Variants in EMC10 observed in about 807,000 individuals in gnomAD.
The protein encoded by EMC10 is UPF0510 protein INM02.
Under a neutral mutation model 32.2 loss-of-function variants are expected in EMC10, and 40 were observed. The ratio of observed to expected loss-of-function variants is 1.24; its 90% CI spans 0.96 to 1.61. The LOEUF (loss-of-function observed/expected upper bound fraction) is 1.61. Ranked by LOEUF, EMC10 falls within the 40% of genes most tolerant of loss-of-function variation. The pLI, the probability that EMC10 is intolerant of heterozygous loss-of-function variation, is 0.00. For missense variants in EMC10, 402 were observed against 357.7 expected, an observed-to-expected ratio of 1.12 and a Z score of -1.00; for synonymous variants, 178 against 158.4, an observed-to-expected ratio of 1.12 and a Z score of -0.93.
rs1433270165 is a variant in EMC10 at position 50,484,581 on chromosome 19, T to C, written c.*2322T>C. ...CCTAGCGTTCTGTTCTTATTAAACT[T>C]TTCTTCCCCGTCTGGCCGGTCCTTG... On this transcript the variant is annotated 3_prime_UTR_variant, in exon 7 of 7. Coordinates refer to ENST00000334976, the MANE Select transcript of EMC10 (RefSeq NM_206538.4). 6.6e-6 allele frequency: 1 copy of C among 152,160 alleles called. No homozygotes were observed. Among genetic ancestry groups the C allele is most frequent in the Non-Finnish European group, 1.5e-5 (1 of 68,042 alleles). The allele number at this position is 152,160 out of a possible 1,614,324, so 9.4% of individuals were successfully genotyped here. A position where few individuals can be genotyped will look rare whatever the true frequency, so the allele number is the denominator to read the frequency against.
rs567884235 is a variant in EMC10 at position 50,484,059 on chromosome 19, G to A, written c.*1800G>A. 6 of 100,316 alleles carry A rather than the reference G, an allele frequency of 6.0e-5. No individual in the cohort carries two copies. The highest frequency in any genetic ancestry group is 1.7e-4 in the African/African-American group (4 of 23,370). The allele number at this position is 100,316 out of a possible 1,614,324, so 6.2% of individuals were successfully genotyped here. A position where few individuals can be genotyped will look rare whatever the true frequency, so the allele number is the denominator to read the frequency against. On this transcript the variant is annotated 3_prime_UTR_variant, in exon 7 of 7. Coordinates refer to ENST00000334976, the MANE Select transcript of EMC10 (RefSeq NM_206538.4). ...TTTTTTTTTTTTGAGGCAGAGTCTC[G>A]CTCTGTCATCCAGGCTGGAGTACAA...
At position 50,490,288 on chromosome 19, in the gene EMC10, A is replaced by AT. The variant is rs1293322649; in HGVS notation, c.*8035dup. 1 of 151,714 alleles carries AT rather than the reference A, an allele frequency of 6.6e-6. No individual in the cohort carries two copies. The highest frequency in any genetic ancestry group is 2.4e-5 in the African/African-American group (1 of 41,280). 9.4% of individuals were successfully genotyped at this position (151,714 alleles called of 1,614,324 possible). On this transcript the variant is annotated 3_prime_UTR_variant, in exon 7 of 7. Transcript: ENST00000334976. ...CGCCATCGTGCCTGCTAATTTTTGT[A>AT]TTTTTTAGTAGAGACGGGGTTTCAC...
chr19:50,480,552 C>T lies in EMC10; in HGVS notation c.403-29C>T. 6.5e-7 allele frequency: 1 copy of T among 1,547,352 alleles called. No individual in the cohort carries two copies. The highest frequency in any genetic ancestry group is 8.7e-7 in the Non-Finnish European group (1 of 1,145,226). ...GGTGGAGCCCAGGCAGCAGGCTCCC[C>T]ACCTCCACTGACCCCACTCCCCCCA... is the stretch of plus-strand genomic sequence containing the variant. On this transcript the variant is annotated intron_variant, in intron 4 of 6. Coordinates refer to ENST00000334976, the MANE Select transcript of EMC10 (RefSeq NM_206538.4). This position sits in a 1 kb window ranked among gnomAD's most constrained non-coding sequence, Gnocchi z 4.4.
chr19:50,481,191 A>G (rs1422817328), intron 6 of EMC10: 5 of 530,214 alleles, frequency 9.4e-6, no homozygotes, highest in Non-Finnish European at 1.7e-5. Context: ...TCTAGGGCGC[A>G]GGGTCCTGGG....
intron 1 of EMC10, 139 bp downstream of exon 1, chr19:50,476,797 C>T (rs1372568474): frequency 3.4e-6 from 2 of 587,796 alleles, no homozygotes; most frequent in Admixed American, 3.6e-5. Context: ...AGCCAGGCCT[C>T]AGTCACGCAC....
rs1196782033 is a variant in EMC10, at chr19:50,478,011, GCA to G, written c.187+11_187+12del. Reference sequence around the variant, plus strand: ...CACTCATTTGAGATCGGTGAGTCAGGCAACGTCCTCTCCTAGACACTTAACAT... The same window carrying G: ...CACTCATTTGAGATCGGTGAGTCAGGACGTCCTCTCCTAGACACTTAACAT... On this transcript the variant is annotated intron_variant, in intron 2 of 6. Transcript: ENST00000334976. The G allele has an allele frequency of 1.9e-6, 3 of 1,601,074 alleles. No homozygotes were observed. The highest frequency in any genetic ancestry group is 2.6e-6 in the Non-Finnish European group (3 of 1,175,146).
chr19:50,480,797 C>A lies in EMC10; in HGVS notation c.584+35C>A, dbSNP rs1371953083. The A allele has an allele frequency of 6.4e-7, 1 of 1,565,110 alleles. No individual in the cohort carries two copies. The highest frequency in any genetic ancestry group is 8.7e-7 in the Non-Finnish European group (1 of 1,153,378). The stretch of plus-strand genomic sequence containing the variant: ...TGCTGCCTTCGCGGCGCTCTTGCCA[C>A]CTGCCCCGGCCCTTCCTGGCGGCCT... On this transcript the variant is annotated intron_variant, in intron 5 of 6. Transcript: ENST00000334976. This position sits in a 1 kb window ranked among gnomAD's most constrained non-coding sequence, Gnocchi z 4.4.
In EMC10 at chr19:50,482,936, C is replaced by A; in HGVS notation, c.*677C>A. 1.8e-6 allele frequency: 1 copy of A among 567,540 alleles called. No homozygotes were observed. Among genetic ancestry groups the A allele is most frequent in the Non-Finnish European group, 3.1e-6 (1 of 319,338 alleles). The allele number at this position is 567,540 out of a possible 1,614,324, so 35.2% of individuals were successfully genotyped here. The stretch of plus-strand genomic sequence containing the variant: ...GACAGGCCCTCCACAGGCTTCCAGA[C>A]TTGAAGGAAAAGGTTTAAGAAAGAA... On this transcript the variant is annotated 3_prime_UTR_variant, in exon 7 of 7. Coordinates refer to ENST00000334976, the MANE Select transcript of EMC10 (RefSeq NM_206538.4).
chr19:50,489,793 G>C lies in EMC10; in HGVS notation c.*7534G>C, dbSNP rs1195687987. On this transcript the variant is annotated 3_prime_UTR_variant, in exon 7 of 7. Coordinates refer to ENST00000334976, the MANE Select transcript of EMC10 (RefSeq NM_206538.4). ...AAGGAGGAAGGGAAGGAGCTGGAGGGGCGGGAGAACAGGAGACAGAACAGG... is the reference window on the plus strand; with the variant it reads ...AAGGAGGAAGGGAAGGAGCTGGAGGCGCGGGAGAACAGGAGACAGAACAGG... 1 of 153,806 alleles carries C rather than the reference G, an allele frequency of 6.5e-6. No homozygotes were observed. Among genetic ancestry groups the C allele is most frequent in the Non-Finnish European group, 1.4e-5 (1 of 69,256 alleles). 9.5% of individuals were successfully genotyped at this position (153,806 alleles called of 1,614,324 possible).
Position 50,479,001 on chromosome 19 carries a change from C to T in EMC10, c.232C>T (p.Gln78Ter). The T allele has an allele frequency of 6.2e-7, 1 of 1,611,512 alleles. No individual in the cohort carries two copies. The highest frequency in any genetic ancestry group is 1.1e-5 in the South Asian group (1 of 90,688). The change falls in exon 3 of 7, where the codon CAG becomes TAG. Residue 78 changes from glutamine to a stop codon, truncating the protein, a stop_gained. Coordinates refer to ENST00000334976, the MANE Select transcript of EMC10 (RefSeq NM_206538.4). LOFTEE classifies it high-confidence loss of function. ...FRKRGSLLWN[Q>*]QDGTLSLSQR... ...GAAGCGGGGCTCACTGCTCTGGAAC[C>T]AGCAGGATGGTACCTTGTCCCTGTC...
At position 50,483,017 on chromosome 19, in the gene EMC10, C is replaced by T; in HGVS notation, c.*758C>T. Reference sequence around the variant, plus strand: ...CCAGACACTGTAAATAGAACCCCCTCCACCACCCCCCGCCGCCCAGCATCC... The same window carrying T: ...CCAGACACTGTAAATAGAACCCCCTTCACCACCCCCCGCCGCCCAGCATCC... On this transcript the variant is annotated 3_prime_UTR_variant, in exon 7 of 7. Transcript: ENST00000334976. 3.5e-6 allele frequency: 2 copies of T among 575,830 alleles called. No individual in the cohort carries two copies. Among genetic ancestry groups the T allele is most frequent in the South Asian group, 1.6e-5 (1 of 62,866 alleles). The allele number at this position is 575,830 out of a possible 1,614,324, so 35.7% of individuals were successfully genotyped here. A position where few individuals can be genotyped will look rare whatever the true frequency, so the allele number is the denominator to read the frequency against.
rs934563168 is a variant in EMC10, at chr19:50,484,826, G to A, written c.*2567G>A. 3 of 152,186 alleles carry A rather than the reference G, an allele frequency of 2.0e-5. No homozygotes were observed. Among genetic ancestry groups the A allele is most frequent in the African/African-American group, 7.2e-5 (3 of 41,426 alleles). 9.4% of individuals were successfully genotyped at this position (152,186 alleles called of 1,614,324 possible). ...AGCCTGGGTGACAGAGTGAGACCCT[G>A]TCTCCAGAATAGACAAAAGATGCAG... On this transcript the variant is annotated 3_prime_UTR_variant, in exon 7 of 7. Coordinates refer to ENST00000334976, the MANE Select transcript of EMC10 (RefSeq NM_206538.4).
At chr19:50,478,787 T>C (rs1019817372) in intron 2 of EMC10, among the ~76,000 whole-genome samples, 170 bp from the exon 3 acceptor site, 1 of 151,848 alleles carries the variant, frequency 6.6e-6, no homozygotes, top group African/African-American at 2.4e-5. Flanking sequence ...AGGTGGAACA[T>C]GGTGGAGGTG....
At chr19:50,481,766 G>T in intron 6 of EMC10, 1 of 1,089,742 alleles carries the variant, frequency 9.2e-7, no homozygotes, top group East Asian at 2.6e-5. Context: ...GCTGGGCCCT[G>T]CCCTGCTGCC....
chr19:50,480,083 G>T lies in EMC10; in HGVS notation c.298-28G>T. On this transcript the variant is annotated intron_variant, in intron 3 of 6. Coordinates refer to ENST00000334976, the MANE Select transcript of EMC10 (RefSeq NM_206538.4). The surrounding 1 kb of genome is among the most constrained non-coding windows in gnomAD (Gnocchi z 4.4). ...TGTCCAGGGCTGACACCATCCTTCT[G>T]ACCAGCACCCTCTTCTCCCATCCCC... 1.3e-6 allele frequency: 2 copies of T among 1,571,336 alleles called. No individual in the cohort carries two copies. The highest frequency in any genetic ancestry group is 1.2e-5 in the South Asian group (1 of 86,430).
Position 50,480,637 on chromosome 19 carries a change from C to G in EMC10, c.459C>G (p.Ala153=). 2 of 1,583,618 alleles carry G rather than the reference C, an allele frequency of 1.3e-6. No individual in the cohort carries two copies. The highest frequency in any genetic ancestry group is 1.7e-6 in the Non-Finnish European group (2 of 1,165,348). Residue 153 remains alanine, a synonymous_variant, in exon 5 of 7, where the codon GCC becomes GCG. Coordinates refer to ENST00000334976, the MANE Select transcript of EMC10 (RefSeq NM_206538.4). This position sits in a 1 kb window ranked among gnomAD's most constrained non-coding sequence, Gnocchi z 4.4. ...SDQLTLHVDV[A]GNVVGVSVVT... ...AGCTGACCCTGCACGTGGATGTGGC[C>G]GGCAACGTGGTGGGCGTGTCGGTGG...
At chr19:50,477,879 T>C (rs777056872) in intron 1 of EMC10, 50 bp from the exon 2 acceptor site, 2 of 1,496,468 alleles carry the variant, frequency 1.3e-6, no homozygotes, top group Admixed American at 2.1e-5. Context: ...GTGACTACTA[T>C]GCTGAGGGCT....
intron 6 of EMC10, chr19:50,481,899 C>T (rs1193330883): frequency 6.2e-7 from 1 of 1,601,568 alleles, no homozygotes; most frequent in East Asian, 2.2e-5. Context: ...TGCTCACAGC[C>T]CTGCGTCCTG....
rs1040303100 is a variant in EMC10 at position 50,481,719 on chromosome 19, T to G, written c.679-430T>G. 89 of 671,016 alleles carry G rather than the reference T, an allele frequency of 1.3e-4. No homozygotes were observed. In the African/African-American group the frequency reaches 1.4e-3, roughly 11 times the overall value. The allele number at this position is 671,016 out of a possible 1,614,324, so 41.6% of individuals were successfully genotyped here. On this transcript the variant is annotated intron_variant, in intron 6 of 6. Transcript: ENST00000334976. ...CGCCTGGATAGTCCAACAGTTGTGCTGCAGGGAACTGAGGCCCAGAGGCTG... is the reference window on the plus strand; with the variant it reads ...CGCCTGGATAGTCCAACAGTTGTGCGGCAGGGAACTGAGGCCCAGAGGCTG...
Sources: allele counts gnomAD v4.1 joint callset (sites outside exome capture counted in the v4.1 genomes callset), GRCh38; gene constraint gnomAD v4.1.1; non-coding constraint Gnocchi (gnomAD v3.1); transcripts MANE v1.5; gene names NCBI Gene and HGNC (gene_info 2026-07-23, HGNC 2026-07-21).